Variants in KSR2 observed in about 807,000 individuals in gnomAD.
KSR2 encodes the protein kinase suppressor of ras 2.
A neutral mutation model predicts 107.8 loss-of-function variants in KSR2; 25 were observed. The ratio of observed to expected loss-of-function variants is 0.23; its 90% CI spans 0.17 to 0.32. The LOEUF (loss-of-function observed/expected upper bound fraction) is 0.32. KSR2 is among the 10% of genes least tolerant of loss of function. The probability of loss-of-function intolerance (pLI) is 1.00; values close to 1 mark genes in which losing one functional copy is unlikely to be tolerated. For missense variants in KSR2, 887 were observed against 1,268.9 expected (o/e 0.70, Z 4.57); for synonymous variants, 480 against 507.0 (o/e 0.95, Z 0.71).
chr12:117,773,387 G>A (rs1362216314), intron 3 of KSR2, among the ~76,000 whole-genome samples: 1 of 152,172 alleles, frequency 6.6e-6, no homozygotes, highest in Non-Finnish European at 1.5e-5. Context: ...AAGGGACTAA[G>A]AGAAATAAAA....
chr12:117,852,665 C>A (rs1302289021), intron 3 of KSR2, among the ~76,000 whole-genome samples: 1 of 152,152 alleles, frequency 6.6e-6, no homozygotes, highest in Non-Finnish European at 1.5e-5. Flanking sequence ...CCGGATGAGA[C>A]AACATGAATT....
Position 117,471,228 on chromosome 12 carries a change from G to A in KSR2, c.2675C>T (p.Pro892Leu), listed in dbSNP as rs767037144. ...TCCCATGCCAATCTGGCTGAGGTTG[G>A]GTTTCATGCCTGTGCCCATTTGCCA... ...IIWQMGTGMK[P>L]NLSQIGMGKE... The change falls in exon 18 of 20, where the codon CCC becomes CTC. Residue 892 changes from proline (P) to leucine (L), a missense_variant. Around this residue, in one of 8 missense-constraint regions of KSR2, gnomAD observed 308 missense variants for 506.2 expected, o/e 0.61. Coordinates refer to ENST00000339824, the MANE Select transcript of KSR2 (RefSeq NM_173598.6). 11 of 1,613,930 alleles carry A rather than the reference G, an allele frequency of 6.8e-6. No homozygotes were observed. Among genetic ancestry groups the A allele is most frequent in the Non-Finnish European group, 9.3e-6 (11 of 1,179,852 alleles).
chr12:117,619,883 C>A (rs1366790917), intron 5 of KSR2, among the ~76,000 whole-genome samples: 1 of 151,894 alleles, frequency 6.6e-6, no homozygotes, highest in Non-Finnish European at 1.5e-5. Flanking sequence ...TGACCATCAT[C>A]AAAATCCAAT....
At chr12:117,603,753 CAA>C (rs372117441) in intron 5 of KSR2, among the ~76,000 whole-genome samples, 1,987 of 152,252 alleles carry the variant, frequency 0.013, 44 homozygotes, top group African/African-American at 0.046. Flanking sequence ...GGGGACCCCC[CAA>C]AAAAACCTTG....
Position 117,968,281 on chromosome 12 carries a change from T to A in KSR2, c.-26A>T. 2.2e-6 allele frequency: 1 copy of A among 444,706 alleles called. No individual in the cohort carries two copies. Among genetic ancestry groups the A allele is most frequent in the South Asian group, 2.5e-5 (1 of 39,830 alleles). 27.5% of individuals were successfully genotyped at this position (444,706 alleles called of 1,614,324 possible). The stretch of plus-strand genomic sequence containing the variant: ...CGCTTGCTCTGCAACCCCCTTCCCC[T>A]CCTCCTCCTCCCAGAGAGAAAAAAG... On this transcript the variant is annotated 5_prime_UTR_variant, in exon 1 of 20. Transcript: ENST00000339824.
At chr12:117,784,631 GT>G (rs1172348443) in intron 3 of KSR2, among the ~76,000 whole-genome samples, 8 of 151,960 alleles carry the variant, frequency 5.3e-5, no homozygotes. Context: ...GCACCCATGG[GT>G]TTTTTTCTCT....
In KSR2 at chr12:117,816,826, A is replaced by G. The variant is rs1891388546; in HGVS notation, c.472+38602T>C. Reference sequence around the variant, plus strand: ...AACGATCATCACCCCCATTTTGCAGATAAGGCAACAAGGCTTCCAGAACTA... The same window carrying G: ...AACGATCATCACCCCCATTTTGCAGGTAAGGCAACAAGGCTTCCAGAACTA... On this transcript the variant is annotated intron_variant, in intron 3 of 19. Coordinates refer to ENST00000339824, the MANE Select transcript of KSR2 (RefSeq NM_173598.6). 2.6e-5 allele frequency among the ~76,000 whole-genome samples: 4 copies of G among 152,324 alleles called. No individual in the cohort carries two copies. The South Asian group carries it at 8.3e-4, about 32-fold the overall frequency.
At chr12:117,628,651 C>A (rs931287701) in intron 5 of KSR2, among the ~76,000 whole-genome samples, 1 of 152,192 alleles carries the variant, frequency 6.6e-6, no homozygotes, top group Admixed American at 6.5e-5. Context: ...TTAGGCTACA[C>A]GGGAGTCAGG....
Position 117,455,277 on chromosome 12 carries a change from G to C in KSR2, c.*11922C>G, listed in dbSNP as rs540807733. 1 of 152,410 alleles carries C rather than the reference G, an allele frequency of 6.6e-6. No individual in the cohort carries two copies. Among genetic ancestry groups the C allele is most frequent in the African/African-American group, 2.4e-5 (1 of 41,580 alleles). 9.4% of individuals were successfully genotyped at this position (152,410 alleles called of 1,614,324 possible). A position where few individuals can be genotyped will look rare whatever the true frequency, so the allele number is the denominator to read the frequency against. ...TCTGTTTGGAGATGGAGACTCCAGG[G>C]TCCCAAAATCAGGCTTTGGGGAAAG... On this transcript the variant is annotated 3_prime_UTR_variant, in exon 20 of 20. Transcript: ENST00000339824.
intron 1 of KSR2, among the ~76,000 whole-genome samples, chr12:117,960,925 G>A (rs532563214): frequency 1.3e-4 from 19 of 151,202 alleles, no homozygotes; most frequent in African/African-American, 3.6e-4. Flanking sequence ...TCAGCCTTCC[G>A]AGTAGCTGGG....
At chr12:117,708,316 G>T (rs1886610002) in intron 4 of KSR2, among the ~76,000 whole-genome samples, 1 of 152,118 alleles carries the variant, frequency 6.6e-6, no homozygotes, top group Non-Finnish European at 1.5e-5. Context: ...CTAGTGTCAG[G>T]CTCTCTGTGC....
At chr12:117,767,888 A>C (rs1028577416) in intron 3 of KSR2, among the ~76,000 whole-genome samples, 24 of 151,842 alleles carry the variant, frequency 1.6e-4, no homozygotes, top group African/African-American at 5.8e-4. Context: ...CTGAGAACTA[A>C]GGGCCGGTGT....
intron 8 of KSR2, among the ~76,000 whole-genome samples, chr12:117,555,861 TTC>T (rs1877654830): frequency 6.6e-6 from 1 of 152,208 alleles, no homozygotes; most frequent in African/African-American, 2.4e-5. Flanking sequence ...CCCCTCTCCC[TTC>T]TGTTACTTCT....
intron 4 of KSR2, among the ~76,000 whole-genome samples, chr12:117,719,224 C>A (rs1334756994): frequency 6.6e-6 from 1 of 152,130 alleles, no homozygotes; most frequent in Non-Finnish European, 1.5e-5. Flanking sequence ...CTTTCCCCCC[C>A]TCCACCCCAG....
chr12:117,766,041 G>A (rs1018729574), intron 3 of KSR2, among the ~76,000 whole-genome samples: 3 of 152,170 alleles, frequency 2.0e-5, no homozygotes, highest in African/African-American at 7.2e-5. Context: ...TCTCACTGCA[G>A]TTCCATCCTA....
intron 14 of KSR2, among the ~76,000 whole-genome samples, chr12:117,519,080 G>T (rs534389989): frequency 6.6e-6 from 1 of 152,352 alleles, no homozygotes; most frequent in African/African-American, 2.4e-5. Context: ...TCTATCATGT[G>T]GTCTGGCACT....
chr12:117,750,668 A>G (rs150272723), intron 4 of KSR2, among the ~76,000 whole-genome samples: 8 of 151,898 alleles, frequency 5.3e-5, no homozygotes, highest in African/African-American at 1.9e-4. Context: ...TCTCTCCCCT[A>G]TCTAGTTATC....
chr12:117,948,860 G>GAGC (rs2137561240), intron 1 of KSR2, among the ~76,000 whole-genome samples: 1 of 152,324 alleles, frequency 6.6e-6, no homozygotes, highest in East Asian at 1.9e-4. Flanking sequence ...TTGGGAGGCT[G>GAGC]AGCAGGGTGG....
intron 3 of KSR2, among the ~76,000 whole-genome samples, chr12:117,805,487 G>A (rs183482115): frequency 2.6e-5 from 4 of 152,136 alleles, no homozygotes; most frequent in African/African-American, 4.8e-5. Flanking sequence ...TGCTTCAAAG[G>A]GTTCAGGTCA....
Sources: allele counts gnomAD v4.1 joint callset (sites outside exome capture counted in the v4.1 genomes callset), GRCh38; gene constraint gnomAD v4.1.1; regional missense constraint gnomAD v4.1.1; transcripts MANE v1.5; gene names NCBI Gene and HGNC (gene_info 2026-07-23, HGNC 2026-07-21).